MKLN1: variants seen among roughly 807,000 people sequenced by gnomAD.
The protein encoded by MKLN1 is muskelin.
In MKLN1, 18 loss-of-function variants were observed where a neutral mutation model predicts 99.0. That is an observed-to-expected ratio of 0.18 (90% CI 0.13 to 0.27). MKLN1 has a LOEUF of 0.27. MKLN1 is among the 10% of genes least tolerant of loss of function. The pLI is 1.00. For missense variants in MKLN1, 621 were observed against 875.9 expected, an observed-to-expected ratio of 0.71 and a Z score of 3.67; for synonymous variants, 288 against 293.2, an observed-to-expected ratio of 0.98 and a Z score of 0.18.
intron 2 of MKLN1, among the ~76,000 whole-genome samples, chr7:131,153,400 C>G (rs148519082): frequency 2.2e-3 from 336 of 152,068 alleles, no homozygotes; most frequent in African/African-American, 7.8e-3. Context: ...TTGACTCAAC[C>G]CAAGCAGTTT....
At chr7:131,220,188 A>C (rs1797040754) in intron 3 of MKLN1, among the ~76,000 whole-genome samples, 1 of 152,144 alleles carries the variant, frequency 6.6e-6, no homozygotes, top group African/African-American at 2.4e-5. Flanking sequence ...CTGTCTTTCC[A>C]CTCATTTATT....
chr7:131,432,831 C>T (rs1389988120), intron 9 of MKLN1, among the ~76,000 whole-genome samples: 1 of 152,140 alleles, frequency 6.6e-6, no homozygotes, highest in Non-Finnish European at 1.5e-5. Context: ...CTTCTTTATT[C>T]AGTTGCTGTA....
intron 3 of MKLN1, among the ~76,000 whole-genome samples, chr7:131,213,735 A>T (rs1009949010): frequency 6.6e-6 from 1 of 152,188 alleles, no homozygotes; most frequent in African/African-American, 2.4e-5. Context: ...GTTTCTCCAC[A>T]TTTTGCTAAT....
intron 2 of MKLN1, among the ~76,000 whole-genome samples, chr7:131,171,068 C>G (rs558437307): frequency 1.3e-5 from 2 of 152,242 alleles, no homozygotes; most frequent in South Asian, 2.1e-4. Flanking sequence ...AGTTAAACAA[C>G]CCGACATCAT....
At chr7:131,175,618 T>G (rs769881804) in intron 2 of MKLN1, among the ~76,000 whole-genome samples, 66 of 152,334 alleles carry the variant, frequency 4.3e-4, no homozygotes, top group Non-Finnish European at 8.7e-4. Flanking sequence ...AAAATACAAA[T>G]AGGCCGGGCC....
At chr7:131,355,034 C>G (rs1305585118) in intron 1 of MKLN1, among the ~76,000 whole-genome samples, 1 of 152,118 alleles carries the variant, frequency 6.6e-6, no homozygotes, top group African/African-American at 2.4e-5. Context: ...TACTGCGTGG[C>G]CTCCCAAAGT....
intron 1 of MKLN1, among the ~76,000 whole-genome samples, chr7:131,352,208 C>A (rs1027934842): frequency 2.0e-5 from 3 of 152,136 alleles, no homozygotes; most frequent in African/African-American, 4.8e-5. Context: ...CCAGATGGTT[C>A]CATCTTAGGC....
chr7:131,170,678 T>A (rs1331434533), intron 2 of MKLN1, among the ~76,000 whole-genome samples: 2 of 152,180 alleles, frequency 1.3e-5, no homozygotes, highest in African/African-American at 4.8e-5. Context: ...GGTTTGTAAC[T>A]CATGGAGCTG....
At chr7:131,310,732 A>T (rs992649035) in intron 3 of MKLN1, 1 of 152,228 alleles carries the variant, frequency 6.6e-6, no homozygotes. Context: ...ATGTCATTCC[A>T]GTCAAATCCT....
chr7:131,216,749 G>A (rs757391315), intron 3 of MKLN1, among the ~76,000 whole-genome samples: 1 of 152,150 alleles, frequency 6.6e-6, no homozygotes. Context: ...TGGGTAATGG[G>A]AATGGAGATA....
intron 2 of MKLN1, among the ~76,000 whole-genome samples, chr7:131,188,369 G>A (rs541452116): frequency 2.6e-4 from 40 of 152,342 alleles, no homozygotes; most frequent in Middle Eastern, 6.8e-3. Context: ...TGGCTGAGAG[G>A]TTCTGCTGAT....
In MKLN1 at chr7:131,358,735, G is replaced by A. The variant is rs1799948229; in HGVS notation, c.99-16689G>A. ...TAGTTACTGGCATATTCAGAAGGTC[G>A]CTTTCTCGACTTTTGGTAGTTTGTA... On this transcript the variant is annotated intron_variant, in intron 1 of 17. Transcript: ENST00000352689. Among the ~76,000 whole-genome samples, 5 of 152,040 alleles carry A rather than the reference G, an allele frequency of 3.3e-5. No individual in the cohort carries two copies. The South Asian group carries it at 1.0e-3, about 31-fold the overall frequency.
At chr7:131,129,827 C>T (rs752672651) in intron 1 of MKLN1, among the ~76,000 whole-genome samples, 23 of 152,286 alleles carry the variant, frequency 1.5e-4, no homozygotes, top group Middle Eastern at 3.4e-3. Context: ...CATCCTGCCT[C>T]GGCCTCCCAA....
chr7:131,131,765 C>G (rs1795555027), intron 1 of MKLN1, among the ~76,000 whole-genome samples: 3 of 152,124 alleles, frequency 2.0e-5, no homozygotes. Flanking sequence ...TGAGGAATGA[C>G]TTAAAAGGCA....
chr7:131,299,498 A>G (rs1798345263), intron 3 of MKLN1, among the ~76,000 whole-genome samples: 2 of 152,206 alleles, frequency 1.3e-5, no homozygotes, highest in South Asian at 4.1e-4. Context: ...TTCAGCACTT[A>G]CCTGCTTTTA....
At chr7:131,455,062 G>C (rs920277447) in intron 12 of MKLN1, among the ~76,000 whole-genome samples, 19 of 152,286 alleles carry the variant, frequency 1.2e-4, no homozygotes, top group African/African-American at 4.3e-4. Flanking sequence ...TTTGTGGAAA[G>C]CTATTTTTTA....
intron 2 of MKLN1, among the ~76,000 whole-genome samples, chr7:131,182,312 A>G (rs1459852410): frequency 6.6e-6 from 1 of 152,234 alleles, no homozygotes; most frequent in Admixed American, 6.5e-5. Flanking sequence ...GTTTGAAAAT[A>G]CTGGAATTGA....
intron 2 of MKLN1, among the ~76,000 whole-genome samples, chr7:131,191,715 T>C (rs1312335285): frequency 2.5e-4 from 37 of 145,674 alleles, no homozygotes; most frequent in African/African-American, 8.9e-4. Context: ...TCCTTTTTTT[T>C]CCTTTTTTTT....
At chr7:131,324,123 G>C (rs1362364127), upstream of MKLN1, 1 of 152,208 alleles carries the variant, frequency 6.6e-6, no homozygotes, top group East Asian at 1.9e-4. Flanking sequence ...CACCTCTGCT[G>C]TAAGACAGAG....
Sources: allele counts gnomAD v4.1 joint callset (sites outside exome capture counted in the v4.1 genomes callset), GRCh38; gene constraint gnomAD v4.1.1; transcripts MANE v1.5; gene names NCBI Gene and HGNC (gene_info 2026-07-23, HGNC 2026-07-21).